The following HCN4 variants were observed in gnomAD, a reference collection of about 807,000 sequenced individuals.
The protein encoded by HCN4 is hyperpolarization activated cyclic nucleotide gated potassium channel 4.
Under a neutral mutation model 76.9 loss-of-function variants are expected in HCN4, and 29 were observed. The observed-to-expected ratio is 0.38, with a 90% CI of 0.28 to 0.51. The LOEUF (loss-of-function observed/expected upper bound fraction) is 0.51. Ranked by LOEUF, HCN4 falls within the 20% of genes least tolerant of loss-of-function variation. HCN4 has a pLI of 0.90. For synonymous variants in HCN4, 772 were observed against 762.5 expected (o/e 1.01, Z -0.21); for missense variants, 1,416 against 1,715.2 (o/e 0.83, Z 3.08).
In HCN4 at chr15:73,320,593, T is replaced by C. The variant is rs2042851359; in HGVS notation, c.*1888A>G. On this transcript the variant is annotated 3_prime_UTR_variant, in exon 8 of 8. Transcript: ENST00000261917. ...ATCTGGGAGGAGGGAGGATGGTGCCTCCAAAGGCATCTGAGCTGCTTTCTC... is the reference window on the plus strand; with the variant it reads ...ATCTGGGAGGAGGGAGGATGGTGCCCCCAAAGGCATCTGAGCTGCTTTCTC... 6.6e-6 allele frequency: 1 copy of C among 152,244 alleles called. No homozygotes were observed. Among genetic ancestry groups the C allele is most frequent in the Non-Finnish European group, 1.5e-5 (1 of 68,100 alleles). 9.4% of individuals were successfully genotyped at this position (152,244 alleles called of 1,614,324 possible). A position where few individuals can be genotyped will look rare whatever the true frequency, so the allele number is the denominator to read the frequency against.
chr15:73,325,309 G>T lies in HCN4; in HGVS notation c.1726C>A (p.Pro576Thr). The change falls in exon 5 of 8, where the codon CCC becomes ACC. Residue 576 changes from proline (P) to threonine (T), a missense_variant. Physicochemically the swap from Pro to Thr is conservative, Grantham distance 38. Coordinates refer to ENST00000261917, the MANE Select transcript of HCN4 (RefSeq NM_005477.3). This position sits in a 1 kb window ranked among gnomAD's most constrained non-coding sequence, Gnocchi z 7.4. ...EESILGELSE[P>T]LREEIINFNC... ...GCCACACAGCTCACCTCCCGCAGGG[G>T]CTCGCTTAGCTCGCCCAGGATGCTC... The T allele has an allele frequency of 6.2e-7, 1 of 1,613,990 alleles. No homozygotes were observed. The highest frequency in any genetic ancestry group is 8.5e-7 in the Non-Finnish European group (1 of 1,179,950).
chr15:73,338,331 T>C (rs2042978818), intron 2 of HCN4, among the ~76,000 whole-genome samples: 1 of 151,200 alleles, frequency 6.6e-6, no homozygotes, highest in Non-Finnish European at 1.5e-5. Flanking sequence ...TCCAGGCCAC[T>C]ACAAGCCTTG....
intron 2 of HCN4, chr15:73,335,305 G>A (rs1262834882): frequency 6.6e-6 from 1 of 152,346 alleles, no homozygotes; most frequent in African/African-American, 2.4e-5. Flanking sequence ...CAGCCTCCCC[G>A]AGGCACATGG....
chr15:73,324,060 C>G, intron 7 of HCN4, 29 bp downstream of exon 7: 2 of 1,610,808 alleles, frequency 1.2e-6, no homozygotes. Flanking sequence ...CACCCCCCAC[C>G]TGCCCCGCCT....
intron 2 of HCN4, among the ~76,000 whole-genome samples, chr15:73,334,973 C>CT (rs2042954317): frequency 1.3e-5 from 2 of 151,878 alleles, no homozygotes; most frequent in East Asian, 3.9e-4. Context: ...GATGAGTGCC[C>CT]TTATAAAAAG....
At chr15:73,344,385 C>T (rs528420132) in intron 1 of HCN4, among the ~76,000 whole-genome samples, 1 of 152,306 alleles carries the variant, frequency 6.6e-6, no homozygotes, top group South Asian at 2.1e-4. Context: ...TATTCTGGGC[C>T]TCAGTTTCCT....
chr15:73,329,849 C>A, intron 3 of HCN4, 58 bp from the exon 4 acceptor site: 1 of 1,422,540 alleles, frequency 7.0e-7, no homozygotes, highest in Non-Finnish European at 9.8e-7. Flanking sequence ...TTCTCACTAG[C>A]AAGAAAAGGC....
chr15:73,367,548 C>T lies in HCN4; in HGVS notation c.723G>A (p.Glu241=), dbSNP rs2151228376. Residue 241 remains glutamate, a synonymous_variant, in exon 1 of 8, where the codon GAG becomes GAA. Transcript: ENST00000261917. This position sits in a 1 kb window ranked among gnomAD's most constrained non-coding sequence, Gnocchi z 7.5. Reference sequence around the variant, plus strand: ...CCGACTTGACCCTCTCCTGTTCGCGCTCCACGGCTTTCTGGCTGCCGAACA... The same window carrying T: ...CCGACTTGACCCTCTCCTGTTCGCGTTCCACGGCTTTCTGGCTGCCGAACA... ...LRMFGSQKAV[E]REQERVKSAG... The T allele has an allele frequency of 1.2e-6, 2 of 1,614,088 alleles. No homozygotes were observed. The highest frequency in any genetic ancestry group is 1.1e-5 in the South Asian group (1 of 91,090).
intron 1 of HCN4, among the ~76,000 whole-genome samples, chr15:73,350,961 C>A (rs1166120780): frequency 6.6e-6 from 1 of 152,210 alleles, no homozygotes; most frequent in Non-Finnish European, 1.5e-5. Flanking sequence ...CTCCTCTCCA[C>A]TCCACTTGAT....
In HCN4 at chr15:73,321,911, A is replaced by G. The variant is rs2042861122; in HGVS notation, c.*570T>C. 1 of 167,036 alleles carries G rather than the reference A, an allele frequency of 6.0e-6. No individual in the cohort carries two copies. The highest frequency in any genetic ancestry group is 1.3e-5 in the Non-Finnish European group (1 of 76,510). The allele number at this position is 167,036 out of a possible 1,614,324, so 10.3% of individuals were successfully genotyped here. A position where few individuals can be genotyped will look rare whatever the true frequency, so the allele number is the denominator to read the frequency against. The stretch of plus-strand genomic sequence containing the variant: ...GAGCGCTACATAGCTATACATATAC[A>G]CATCTTACATACATATACATATACA... On this transcript the variant is annotated 3_prime_UTR_variant, in exon 8 of 8. Transcript: ENST00000261917.
In HCN4 at chr15:73,367,861, G is replaced by T; in HGVS notation, c.410C>A (p.Ala137Glu). The T allele has an allele frequency of 7.6e-7, 1 of 1,315,786 alleles. No homozygotes were observed. Among genetic ancestry groups the T allele is most frequent in the Non-Finnish European group, 9.7e-7 (1 of 1,030,566 alleles). The allele number at this position is 1,315,786 out of a possible 1,614,324, so 81.5% of individuals were successfully genotyped here. A position where few individuals can be genotyped will look rare whatever the true frequency, so the allele number is the denominator to read the frequency against. Residue 137 changes from alanine to glutamate, a missense_variant, in exon 1 of 8, where the codon GCG (alanine) becomes GAG (glutamate). Transcript: ENST00000261917. The surrounding 1 kb of genome is among the most constrained non-coding windows in gnomAD (Gnocchi z 7.5). ...EERRLIAEGD[A>E]SPGEDRTPPG... ...GGGCGTCCTGTCCTCGCCGGGGGAC[G>T]CGTCGCCCTCGGCGATGAGCCGCCG...
rs766756874 is a variant in HCN4, at chr15:73,325,466, G to A, written c.1591-22C>T. 25 of 1,613,096 alleles carry A rather than the reference G, an allele frequency of 1.5e-5. No homozygotes were observed. Among genetic ancestry groups the A allele is most frequent in the South Asian group, 8.8e-5 (8 of 91,080 alleles). Reference sequence around the variant, plus strand: ...TGTACTGAGGCCGGGAGAAGGGGGCGTCAGCTCCACCCCACCAGGGGGCGT... The same window carrying A: ...TGTACTGAGGCCGGGAGAAGGGGGCATCAGCTCCACCCCACCAGGGGGCGT... On this transcript the variant is annotated intron_variant, in intron 4 of 7. Coordinates refer to ENST00000261917, the MANE Select transcript of HCN4 (RefSeq NM_005477.3). The surrounding 1 kb of genome is among the most constrained non-coding windows in gnomAD (Gnocchi z 7.4).
chr15:73,322,257 C>G lies in HCN4; in HGVS notation c.*224G>C. 1 of 396,738 alleles carries G rather than the reference C, an allele frequency of 2.5e-6. No homozygotes were observed. The highest frequency in any genetic ancestry group is 2.2e-5 in the South Asian group (1 of 44,834). 24.6% of individuals were successfully genotyped at this position (396,738 alleles called of 1,614,324 possible). ...TGCCTGCTCCCTCCTCCCTCCCCCT[C>G]CCTCCCTCTAGTGCTGAGTATTAAA... On this transcript the variant is annotated 3_prime_UTR_variant, in exon 8 of 8. Coordinates refer to ENST00000261917, the MANE Select transcript of HCN4 (RefSeq NM_005477.3).
Position 73,321,827 on chromosome 15 carries a change from G to A in HCN4, c.*654C>T, listed in dbSNP as rs2042860450. ...TGACCTGGGCATCCTGTCAACATGG[G>A]ATTAAACTAGACCGCACACGTGTGC... On this transcript the variant is annotated 3_prime_UTR_variant, in exon 8 of 8. Coordinates refer to ENST00000261917, the MANE Select transcript of HCN4 (RefSeq NM_005477.3). 6.5e-6 allele frequency: 1 copy of A among 154,820 alleles called. No individual in the cohort carries two copies. The allele number at this position is 154,820 out of a possible 1,614,324, so 9.6% of individuals were successfully genotyped here. A position where few individuals can be genotyped will look rare whatever the true frequency, so the allele number is the denominator to read the frequency against.
chr15:73,355,835 T>A (rs930755319), intron 1 of HCN4, among the ~76,000 whole-genome samples: 14 of 152,152 alleles, frequency 9.2e-5, no homozygotes, highest in African/African-American at 3.4e-4. Flanking sequence ...GTTGCCCAGA[T>A]GCATGTTCCC....
chr15:73,326,146 A>G (rs2042897932), intron 4 of HCN4, among the ~76,000 whole-genome samples: 1 of 152,074 alleles, frequency 6.6e-6, no homozygotes, highest in Non-Finnish European at 1.5e-5. Flanking sequence ...TGCTCCCACC[A>G]TCCTAGATTG....
intron 1 of HCN4, among the ~76,000 whole-genome samples, chr15:73,348,167 G>A (rs1211695043): frequency 1.3e-5 from 2 of 152,238 alleles, no homozygotes; most frequent in Middle Eastern, 3.2e-3. Flanking sequence ...ATGACAGGAG[G>A]TGGCTGATAC....
intron 1 of HCN4, among the ~76,000 whole-genome samples, chr15:73,362,314 G>A (rs187583162): frequency 6.6e-6 from 1 of 152,212 alleles, no homozygotes; most frequent in African/African-American, 2.4e-5. Context: ...CTGCCCTCAG[G>A]GAGCTCAGTT....
intron 1 of HCN4, among the ~76,000 whole-genome samples, chr15:73,364,310 C>T (rs1476948058): frequency 1.3e-5 from 2 of 152,202 alleles, no homozygotes; most frequent in Non-Finnish European, 2.9e-5. Context: ...CAGACAGACA[C>T]CTAGATACAC....
Sources: gnomAD v4.1 joint callset for allele counts (sites outside exome capture counted in the v4.1 genomes callset) on GRCh38, gnomAD v4.1.1 for gene constraint, Gnocchi (gnomAD v3.1) non-coding constraint, MANE v1.5 for transcripts, NCBI Gene and HGNC (gene_info 2026-07-23, HGNC 2026-07-21) for gene names.